The following DCC variants were observed in gnomAD, a reference collection of about 807,000 sequenced individuals.
The protein encoded by DCC is netrin receptor DCC.
Under a neutral mutation model 172.5 loss-of-function variants are expected in DCC, and 58 were observed. That is an observed-to-expected ratio of 0.34 (90% confidence interval 0.27 to 0.42). The LOEUF is 0.42. Among genes scored for constraint, DCC ranks in the 10% least tolerant of loss-of-function variants. The pLI, the probability that DCC is intolerant of heterozygous loss-of-function variation, is 1.00. For synonymous variants in DCC, 709 were observed against 644.5 expected (o/e 1.10, Z -1.52); for missense variants, 1,740 against 1,791.0 (o/e 0.97, Z 0.51).
intron 13 of DCC, among the ~76,000 whole-genome samples, chr18:53,318,218 C>G (rs1273986706): frequency 2.0e-5 from 3 of 152,134 alleles, no homozygotes; most frequent in African/African-American, 7.2e-5. Context: ...TTATCAATAT[C>G]TGCCTTAATT....
intron 5 of DCC, among the ~76,000 whole-genome samples, chr18:52,960,713 T>C (rs1402069966): frequency 6.6e-6 from 1 of 152,148 alleles, no homozygotes; most frequent in Non-Finnish European, 1.5e-5. Flanking sequence ...AGCTTTGTAA[T>C]TTGGCTTCCT....
In DCC at chr18:52,825,035, T is replaced by G. The variant is rs374025068; in HGVS notation, c.412+72661T>G. ...CCTTCTGTTATTCTGAAGGTCTGCCTATTGAATAGTCAATCCTGAAGATAA... is the reference window on the plus strand; with the variant it reads ...CCTTCTGTTATTCTGAAGGTCTGCCGATTGAATAGTCAATCCTGAAGATAA... On this transcript the variant is annotated intron_variant, in intron 2 of 28. Coordinates refer to ENST00000442544, the MANE Select transcript of DCC (RefSeq NM_005215.4). Among the ~76,000 whole-genome samples the G allele has an allele frequency of 2.6e-5, 4 of 152,084 alleles. No homozygotes were observed. The East Asian group carries it at 7.7e-4, about 29-fold the overall frequency.
At chr18:52,491,280 T>C (rs2030485598) in intron 1 of DCC, among the ~76,000 whole-genome samples, 1 of 152,054 alleles carries the variant, frequency 6.6e-6, no homozygotes, top group Admixed American at 6.6e-5. Context: ...TCCTCCCTGA[T>C]GGAATTTGCA....
intron 2 of DCC, among the ~76,000 whole-genome samples, chr18:52,849,742 A>G (rs1307993348): frequency 6.6e-6 from 1 of 152,230 alleles, no homozygotes; most frequent in Non-Finnish European, 1.5e-5. Context: ...AATCTAGCAT[A>G]CAATTTCATA....
chr18:53,164,835 A>G (rs1328941260), intron 8 of DCC, among the ~76,000 whole-genome samples: 1 of 152,152 alleles, frequency 6.6e-6, no homozygotes, highest in Non-Finnish European at 1.5e-5. Flanking sequence ...ATAAGCATTC[A>G]CACATTTGAT....
chr18:52,816,320 G>C (rs982427268), intron 2 of DCC, among the ~76,000 whole-genome samples: 1 of 152,124 alleles, frequency 6.6e-6, no homozygotes, highest in Non-Finnish European at 1.5e-5. Context: ...GGCACAACAC[G>C]GTCTAACTCT....
chr18:53,260,618 G>A (rs1350661932), intron 12 of DCC, among the ~76,000 whole-genome samples: 2 of 152,136 alleles, frequency 1.3e-5, no homozygotes, highest in Non-Finnish European at 2.9e-5. Flanking sequence ...CCCCTACTGG[G>A]GGGTGCCTCC....
intron 1 of DCC, among the ~76,000 whole-genome samples, chr18:52,672,906 A>C (rs2035579125): frequency 6.6e-6 from 1 of 152,104 alleles, no homozygotes; most frequent in African/African-American, 2.4e-5. Context: ...ATCTCTAAAA[A>C]AAATTAAATT....
intron 9 of DCC, among the ~76,000 whole-genome samples, chr18:53,190,857 A>AATGG (rs1017483122): frequency 6.6e-6 from 1 of 152,104 alleles, no homozygotes; most frequent in African/African-American, 2.4e-5. Context: ...AAGGCAGGAG[A>AATGG]ATGGCGTGAA....
chr18:53,090,835 T>C (rs531780142), intron 7 of DCC, among the ~76,000 whole-genome samples: 1 of 150,742 alleles, frequency 6.6e-6, no homozygotes, highest in African/African-American at 2.4e-5. Context: ...TCTTAGGACG[T>C]AGGACAATTT....
At chr18:52,743,981 TCTC>T (rs1353860189) in intron 1 of DCC, among the ~76,000 whole-genome samples, 1 of 152,156 alleles carries the variant, frequency 6.6e-6, no homozygotes, top group Non-Finnish European at 1.5e-5. Flanking sequence ...AATTTACTCT[TCTC>T]TAGATATGTG....
chr18:52,425,644 G>A (rs187062216), intron 1 of DCC, among the ~76,000 whole-genome samples: 73 of 152,192 alleles, frequency 4.8e-4, no homozygotes, highest in South Asian at 2.7e-3. Flanking sequence ...GCAGGGTTTC[G>A]TAGGCCTTCC....
At chr18:52,528,718 A>G (rs1279099987) in intron 1 of DCC, among the ~76,000 whole-genome samples, 3 of 152,066 alleles carry the variant, frequency 2.0e-5, no homozygotes, top group East Asian at 3.9e-4. Flanking sequence ...ACTGACTTCT[A>G]TGACAGGGCT....
At position 52,374,059 on chromosome 18, in the gene DCC, T is replaced by A. The variant is rs777569990; in HGVS notation, c.91+33181T>A. Among the ~76,000 whole-genome samples the A allele has an allele frequency of 1.5e-4, 23 of 151,932 alleles. 1 individual carries two copies. Among genetic ancestry groups the A allele is most frequent in the Admixed American group, 1.3e-4 (2 of 15,244 alleles). ...GGCGCCCGCCACCACGCCTGGATTT[T>A]TTTTTTGTGTTTTTAGTAAAGACGG... On this transcript the variant is annotated intron_variant, in intron 1 of 28. Transcript: ENST00000442544.
chr18:53,026,810 AC>A (rs2041960694), intron 5 of DCC, among the ~76,000 whole-genome samples: 2 of 151,908 alleles, frequency 1.3e-5, no homozygotes, highest in African/African-American at 4.8e-5. Context: ...AGATCCTCCT[AC>A]CTTGACCTCT....
chr18:53,302,994 A>G (rs1183575928), intron 12 of DCC, among the ~76,000 whole-genome samples: 2 of 152,182 alleles, frequency 1.3e-5, no homozygotes, highest in Non-Finnish European at 2.9e-5. Flanking sequence ...TTTTCAGACT[A>G]GAGTCTCAAG....
chr18:53,494,681 C>G (rs1397008258), intron 26 of DCC, among the ~76,000 whole-genome samples: 2 of 152,150 alleles, frequency 1.3e-5, no homozygotes, highest in Non-Finnish European at 2.9e-5. Context: ...CTTCCTCTAT[C>G]CCTTCATTTT....
intron 3 of DCC, among the ~76,000 whole-genome samples, chr18:52,913,194 T>C (rs922967784): frequency 6.6e-6 from 1 of 152,042 alleles, no homozygotes; most frequent in Non-Finnish European, 1.5e-5. Context: ...GTAGGTCAGG[T>C]CATTTAACCA....
intron 26 of DCC, among the ~76,000 whole-genome samples, chr18:53,489,002 C>CA (rs949044400): frequency 1.6e-4 from 23 of 147,234 alleles, no homozygotes; most frequent in East Asian, 2.0e-4. Flanking sequence ...ACTAAAAATA[C>CA]AAAAAAAATT....
Sources: gnomAD v4.1 joint callset for allele counts (sites outside exome capture counted in the v4.1 genomes callset) on GRCh38, gnomAD v4.1.1 for gene constraint, MANE v1.5 for transcripts, NCBI Gene and HGNC (gene_info 2026-07-23, HGNC 2026-07-21) for gene names.